DOCK6: variants seen among roughly 807,000 people sequenced by gnomAD.
DOCK6 encodes the protein dedicator of cytokinesis 6.
In DOCK6, 167 loss-of-function variants were observed where a neutral mutation model predicts 230.3. The ratio of observed to expected loss-of-function variants is 0.73; its 90% confidence interval spans 0.64 to 0.82. The LOEUF is 0.82. Ranked by LOEUF, DOCK6 falls within the 40% of genes least tolerant of loss-of-function variation. The pLI, the probability that DOCK6 is intolerant of heterozygous loss-of-function variation, is 0.00. For missense variants in DOCK6, 2,598 were observed against 2,825.8 expected (o/e 0.92, Z 1.83); for synonymous variants, 1,148 against 1,185.0 (o/e 0.97, Z 0.64).
rs1223772151 is a variant in DOCK6, at chr19:11,201,763, CCT to C, written c.5688+124_5688+125del. The stretch of plus-strand genomic sequence containing the variant: ...TCTGGTCTAGGGTCCCTGTGCCACC[CCT>C]CTCTGGGTCTGAGGTCCGTGAACCA... On this transcript the variant is annotated intron_variant, in intron 44 of 47. Coordinates refer to ENST00000294618, the MANE Select transcript of DOCK6 (RefSeq NM_020812.4). This position sits in a 1 kb window ranked among gnomAD's most constrained non-coding sequence, Gnocchi z 4.3. 1.1e-6 allele frequency: 1 copy of C among 886,610 alleles called. No individual in the cohort carries two copies. The highest frequency in any genetic ancestry group is 1.7e-5 in the African/African-American group (1 of 60,358). The allele number at this position is 886,610 out of a possible 1,614,324, so 54.9% of individuals were successfully genotyped here.
intron 37 of DOCK6, among the ~76,000 whole-genome samples, chr19:11,209,413 T>G (rs1318941486): frequency 6.6e-6 from 1 of 151,938 alleles, no homozygotes; most frequent in Non-Finnish European, 1.5e-5. Flanking sequence ...TGTCTCCCAC[T>G]GACCAGCCAG....
chr19:11,245,689 G>A lies in DOCK6; in HGVS notation c.897C>T (p.Asp299=), dbSNP rs773417922. ...KKKISENFYF[D]LNSDSMKGLL... ...GCCCCTTCATGGAGTCCGAGTTCAG[G>A]TCGAAGTAGAAGTTCTCCGAGATCT... Residue 299 remains aspartate, a synonymous_variant, in exon 9 of 48, where the codon GAC becomes GAT. Transcript: ENST00000294618. 1.1e-5 allele frequency: 18 copies of A among 1,606,550 alleles called. No individual in the cohort carries two copies. Among genetic ancestry groups the A allele is most frequent in the Non-Finnish European group, 1.4e-5 (17 of 1,175,646 alleles).
intron 28 of DOCK6, among the ~76,000 whole-genome samples, chr19:11,219,465 G>A (rs2079547847): frequency 6.6e-6 from 1 of 151,510 alleles, no homozygotes; most frequent in South Asian, 2.1e-4. Context: ...TGGGACTACA[G>A]GCATGAGCCA....
chr19:11,240,288 G>A (rs1174723413), intron 14 of DOCK6: 1 of 1,576,026 alleles, frequency 6.3e-7, no homozygotes, highest in Non-Finnish European at 8.6e-7. Context: ...AGAATTTGAG[G>A]TCTTAAAGGT....
intron 39 of DOCK6, chr19:11,206,279 G>C (rs1200034791): frequency 6.6e-6 from 1 of 152,146 alleles, no homozygotes; most frequent in African/African-American, 2.4e-5. Context: ...CAGTTGCCGG[G>C]CATGCTGGCT....
Position 11,211,831 on chromosome 19 carries a change from C to A in DOCK6, c.4696G>T (p.Val1566Leu), listed in dbSNP as rs563310806. Residue 1566 changes from valine (V) to leucine (L), a missense_variant, in exon 37 of 48, where the codon GTG (valine) becomes TTG (leucine). Coordinates refer to ENST00000294618, the MANE Select transcript of DOCK6 (RefSeq NM_020812.4). ...TCCTCCTGGTGTTCCTTCATCTTCACCGTGTCCGTCAGGATCATGTGCAGG... is the reference window on the plus strand; with the variant it reads ...TCCTCCTGGTGTTCCTTCATCTTCAACGTGTCCGTCAGGATCATGTGCAGG... ...FNLHMILTDT[V>L]KMKEHQEDPE... 1.3e-6 allele frequency: 2 copies of A among 1,552,512 alleles called. No individual in the cohort carries two copies. The highest frequency in any genetic ancestry group is 2.4e-5 in the South Asian group (2 of 84,106).
intron 39 of DOCK6, among the ~76,000 whole-genome samples, chr19:11,204,999 C>T (rs1482922248): frequency 6.6e-6 from 1 of 152,194 alleles, no homozygotes. Context: ...TCCCCAGGGC[C>T]AAGACCCAAA....
chr19:11,224,272 G>A (rs543638315), intron 24 of DOCK6, among the ~76,000 whole-genome samples: 9 of 146,042 alleles, frequency 6.2e-5, no homozygotes, highest in African/African-American at 1.0e-4. Flanking sequence ...GTGCAATGGC[G>A]CGATCTCGGC....
chr19:11,241,597 G>A lies in DOCK6; in HGVS notation c.1643+448C>T, dbSNP rs559730290. 13 of 1,556,688 alleles carry A rather than the reference G, an allele frequency of 8.4e-6. 1 individual carries two copies. The South Asian group carries it at 1.5e-4, about 18-fold the overall frequency. ...TTGGCAGGCAGGGCAGTTGGATGGGGGGCGCACAGGGCAGCTGGAAAGGGG... is the reference window on the plus strand; with the variant it reads ...TTGGCAGGCAGGGCAGTTGGATGGGAGGCGCACAGGGCAGCTGGAAAGGGG... On this transcript the variant is annotated intron_variant, in intron 14 of 47. Coordinates refer to ENST00000294618, the MANE Select transcript of DOCK6 (RefSeq NM_020812.4).
rs759337643 is a variant in DOCK6, at chr19:11,223,049, G to T, written c.3013C>A (p.Leu1005Met). The T allele has an allele frequency of 1.2e-5, 19 of 1,613,680 alleles. No individual in the cohort carries two copies. Among genetic ancestry groups the T allele is most frequent in the Non-Finnish European group, 1.4e-5 (17 of 1,179,884 alleles). ...ASLAFFLSDL[L>M]SLVDRGFVFS... ...ACAAAGCCCCGGTCCACCAGGGACA[G>T]AAGGTCACTGAGGAAGAAAGCCAGG... The change falls in exon 25 of 48, where the codon CTG (leucine) becomes ATG (methionine). Residue 1005 changes from leucine to methionine, a missense_variant. Coordinates refer to ENST00000294618, the MANE Select transcript of DOCK6 (RefSeq NM_020812.4).
In DOCK6 at chr19:11,245,886, T is replaced by G; in HGVS notation, c.807-8A>C. On this transcript the variant is annotated splice_polypyrimidine_tract_variant and splice_region_variant and intron_variant, in intron 7 of 47. Coordinates refer to ENST00000294618, the MANE Select transcript of DOCK6 (RefSeq NM_020812.4). The stretch of plus-strand genomic sequence containing the variant: ...TCAATTTCAATCTCGAACCTACAAG[T>G]AAATGGGAGGGAGGGGGCTCTCCTT... 6.4e-7 allele frequency: 1 copy of G among 1,557,314 alleles called. No homozygotes were observed. The highest frequency in any genetic ancestry group is 8.7e-7 in the Non-Finnish European group (1 of 1,150,172).
intron 14 of DOCK6, chr19:11,239,526 T>G: frequency 7.5e-7 from 1 of 1,324,504 alleles, no homozygotes; most frequent in African/African-American, 1.5e-5. Flanking sequence ...CAGGCCCTTG[T>G]GCAATGCGGG....
chr19:11,208,924 C>T lies in DOCK6; in HGVS notation c.4931G>A (p.Cys1644Tyr). ...LEDHRHLPVG[C>Y]VSFQNISSNV... ...CTGGCCACTCACCTGGAAGGAAACG[C>T]AGCCCACGGGCAGGTGGCGGTGGTC... The change falls in exon 38 of 48, where the codon TGC becomes TAC. Residue 1644 changes from cysteine to tyrosine, a missense_variant. Transcript: ENST00000294618. 6.3e-7 allele frequency: 1 copy of T among 1,596,940 alleles called. No individual in the cohort carries two copies. The highest frequency in any genetic ancestry group is 8.6e-7 in the Non-Finnish European group (1 of 1,166,538).
In DOCK6 at chr19:11,213,310, C is replaced by G. The variant is rs769010912; in HGVS notation, c.4357G>C (p.Glu1453Gln). 6.2e-7 allele frequency: 1 copy of G among 1,611,902 alleles called. No individual in the cohort carries two copies. The highest frequency in any genetic ancestry group is 2.2e-5 in the East Asian group (1 of 44,872). ...LVSKFPELLF[E>Q]EDTELCADLC... ...TCGGCACACAGCTCCGTGTCCTCCT[C>G]GAACAGCAGCTCCGGGAACTGCCCC... is the stretch of plus-strand genomic sequence containing the variant. Residue 1453 changes from glutamate to glutamine, a missense_variant, in exon 35 of 48, where the codon GAG (glutamate) becomes CAG (glutamine). Physicochemically the swap from Glu to Gln is conservative, Grantham distance 29. Transcript: ENST00000294618.
At chr19:11,224,505 C>T (rs2147789905) in intron 24 of DOCK6, among the ~76,000 whole-genome samples, 1 of 152,258 alleles carries the variant, frequency 6.6e-6, no homozygotes, top group East Asian at 1.9e-4. Context: ...GCCACCATGC[C>T]CAGCCTATAA....
rs1225133945 is a variant in DOCK6 at position 11,242,058 on chromosome 19, G to C, written c.1630C>G (p.His544Asp). 1 of 1,564,612 alleles carries C rather than the reference G, an allele frequency of 6.4e-7. No homozygotes were observed. Among genetic ancestry groups the C allele is most frequent in the Non-Finnish European group, 8.6e-7 (1 of 1,164,184 alleles). The stretch of plus-strand genomic sequence containing the variant: ...CAGAGGCCGTACCTGTAGCTGGTAT[G>C]GGGGGCATAGACTTCGCGGGCGGGG... ...EFPAREVYAP[H>D]TSYRNLLYVY... The change falls in exon 14 of 48, where the codon CAT becomes GAT. Residue 544 changes from histidine to aspartate, a missense_variant. Coordinates refer to ENST00000294618, the MANE Select transcript of DOCK6 (RefSeq NM_020812.4).
chr19:11,234,672 C>G (rs1173732286), intron 21 of DOCK6, among the ~76,000 whole-genome samples: 1 of 152,022 alleles, frequency 6.6e-6, no homozygotes, highest in East Asian at 1.9e-4. Context: ...CGTCACTTGC[C>G]CAAGGTCACA....
At chr19:11,238,508 G>A (rs2079888158) in intron 14 of DOCK6, 2 of 581,888 alleles carry the variant, frequency 3.4e-6, no homozygotes, top group Admixed American at 2.9e-5. Flanking sequence ...GGGGACAAGC[G>A]AGCACCCTAA....
Position 11,201,676 on chromosome 19 carries a change from T to G in DOCK6, c.5688+213A>C, listed in dbSNP as rs1404822322. ...TCCCTGGGCCACCCTGGGTCTGGGG[T>G]CCCTGCATCTTGCCTCCCAGGTCTC... On this transcript the variant is annotated intron_variant, in intron 44 of 47. Transcript: ENST00000294618. The surrounding 1 kb of genome is among the most constrained non-coding windows in gnomAD (Gnocchi z 4.3). 6.6e-6 allele frequency among the ~76,000 whole-genome samples: 1 copy of G among 151,668 alleles called. No individual in the cohort carries two copies. Among genetic ancestry groups the G allele is most frequent in the Non-Finnish European group, 1.5e-5 (1 of 67,842 alleles).
Sources: gnomAD v4.1 joint callset for allele counts (sites outside exome capture counted in the v4.1 genomes callset) on GRCh38, gnomAD v4.1.1 for gene constraint, Gnocchi (gnomAD v3.1) non-coding constraint, MANE v1.5 for transcripts, NCBI Gene and HGNC (gene_info 2026-07-23, HGNC 2026-07-21) for gene names.